ADAD1: variants seen among roughly 807,000 people sequenced by gnomAD.
ADAD1 encodes adenosine deaminase domain-containing protein 1.
A neutral mutation model predicts 66.8 loss-of-function variants in ADAD1; 46 were observed. The ratio of observed to expected loss-of-function variants is 0.69; its 90% CI spans 0.54 to 0.88. The LOEUF is 0.88. Ranked by LOEUF, ADAD1 falls within the 40% of genes least tolerant of loss-of-function variation. The pLI, the probability that ADAD1 is intolerant of heterozygous loss-of-function variation, is 0.00. For missense variants in ADAD1, 617 were observed against 681.8 expected (o/e 0.91, Z 1.06); for synonymous variants, 248 against 229.4 (o/e 1.08, Z -0.73).
intron 12 of ADAD1, among the ~76,000 whole-genome samples, chr4:122,424,935 TA>T (rs1358890254): frequency 1.3e-5 from 2 of 152,200 alleles, no homozygotes; most frequent in East Asian, 3.9e-4. Flanking sequence ...ATATTAATAT[TA>T]AATATACATG....
intron 7 of ADAD1, among the ~76,000 whole-genome samples, chr4:122,398,766 A>G (rs566958831): frequency 2.6e-5 from 4 of 151,164 alleles, no homozygotes; most frequent in Non-Finnish European, 5.9e-5. Flanking sequence ...TGTCCATGTT[A>G]TATCTTCTTT....
At chr4:122,410,892 G>A (rs555028659) in intron 8 of ADAD1, among the ~76,000 whole-genome samples, 11 of 152,268 alleles carry the variant, frequency 7.2e-5, no homozygotes, top group African/African-American at 2.6e-4. Flanking sequence ...GCTGGGAGCA[G>A]AACTCTCTGA....
chr4:122,412,837 C>T (rs1560599165), intron 10 of ADAD1, 28 bp downstream of exon 10: 1 of 1,572,220 alleles, frequency 6.4e-7, no homozygotes, highest in Admixed American at 1.7e-5. Flanking sequence ...ACCTCCTGGG[C>T]CTCTCACTCA....
At chr4:122,405,439 T>G (rs1165903472) in intron 7 of ADAD1, among the ~76,000 whole-genome samples, 1 of 152,196 alleles carries the variant, frequency 6.6e-6, no homozygotes, top group Non-Finnish European at 1.5e-5. Flanking sequence ...CCACTACTTC[T>G]TGGAAATTAG....
intron 11 of ADAD1, among the ~76,000 whole-genome samples, chr4:122,420,553 T>C (rs1301951405): frequency 2.0e-5 from 3 of 152,184 alleles, no homozygotes; most frequent in African/African-American, 4.8e-5. Flanking sequence ...GAAGGGAAAA[T>C]CAGCCATGCC....
Position 122,411,275 on chromosome 4 carries a change from A to G in ADAD1, c.902A>G (p.Glu301Gly). The change falls in exon 9 of 13, where the codon GAA becomes GGA. Residue 301 changes from glutamate (E) to glycine (G), a missense_variant. Glu to Gly is a moderately conservative substitution (Grantham distance 98). Coordinates refer to ENST00000296513, the MANE Select transcript of ADAD1 (RefSeq NM_139243.4). ...TACAGCAAAAATCCTGCTATGATGG[A>G]AAAATCAATATTTTGTACAGAACCA... Reference protein sequence around the residue: ...LFYSKNPAMMEKSIFCTEPTS... With the variant: ...LFYSKNPAMMGKSIFCTEPTS... The G allele has an allele frequency of 6.2e-7, 1 of 1,611,554 alleles. No homozygotes were observed. Among genetic ancestry groups the G allele is most frequent in the Middle Eastern group, 1.7e-4 (1 of 6,054 alleles).
chr4:122,409,872 G>A (rs1282149302), intron 8 of ADAD1, among the ~76,000 whole-genome samples: 1 of 151,806 alleles, frequency 6.6e-6, no homozygotes, highest in Non-Finnish European at 1.5e-5. Flanking sequence ...GCCTTTTTTT[G>A]TATCTTTAGT....
chr4:122,413,309 G>A (rs1029578406), intron 10 of ADAD1, among the ~76,000 whole-genome samples: 1 of 152,074 alleles, frequency 6.6e-6, no homozygotes, highest in Non-Finnish European at 1.5e-5. Context: ...TGGATGTTCT[G>A]TAGATAATCA....
In ADAD1 at chr4:122,429,734, ATGT is replaced by A; in HGVS notation, c.1727_1729del (p.Met576_Ter577delinsArg). On this transcript the variant is annotated stop_lost and inframe_deletion, in exon 13 of 13. Transcript: ENST00000296513. ...ATCTCCCTGCATAGAGCAATTTAAC[ATGT>A]GAAATAGGCAATCCATTATCACATT... 1 of 1,595,130 alleles carries A rather than the reference ATGT, an allele frequency of 6.3e-7. No individual in the cohort carries two copies. The highest frequency in any genetic ancestry group is 8.6e-7 in the Non-Finnish European group (1 of 1,164,666).
chr4:122,427,177 A>G (rs936319054), intron 12 of ADAD1, among the ~76,000 whole-genome samples: 1 of 152,252 alleles, frequency 6.6e-6, no homozygotes, highest in Non-Finnish European at 1.5e-5. Context: ...AATTGTTTAT[A>G]TACTAGGAAT....
chr4:122,388,072 A>G (rs1795261515), intron 5 of ADAD1, among the ~76,000 whole-genome samples: 1 of 152,290 alleles, frequency 6.6e-6, no homozygotes, highest in Non-Finnish European at 1.5e-5. Flanking sequence ...AGTTTTTAAC[A>G]TGAAAGGATG....
intron 6 of ADAD1, 55 bp downstream of exon 6, chr4:122,393,712 G>A: frequency 1.1e-5 from 15 of 1,333,764 alleles, no homozygotes; most frequent in Non-Finnish European, 1.5e-5. Context: ...ATTAAAAATA[G>A]TAACAACATA....
chr4:122,422,956 TAAAAAAAAAAAA>T (rs537676034), intron 12 of ADAD1, among the ~76,000 whole-genome samples: 3 of 97,200 alleles, frequency 3.1e-5, no homozygotes, highest in Non-Finnish European at 4.0e-5. Flanking sequence ...TATTTCTCTT[TAAAAAAAAAAAA>T]AAAAAAAAAA....
intron 5 of ADAD1, among the ~76,000 whole-genome samples, chr4:122,390,807 T>C (rs1474660727): frequency 2.6e-5 from 4 of 152,210 alleles, no homozygotes; most frequent in African/African-American, 9.6e-5. Flanking sequence ...TAGAACATGC[T>C]CCTTTAGCTC....
At position 122,395,455 on chromosome 4, in the gene ADAD1, G is replaced by T. The variant is rs1795661559; in HGVS notation, c.599-797G>T. Among the ~76,000 whole-genome samples the T allele has an allele frequency of 2.0e-5, 3 of 152,032 alleles. No homozygotes were observed. The South Asian group carries it at 6.2e-4, about 32-fold the overall frequency. Reference sequence around the variant, plus strand: ...CCCAGCACTTTGTGAGGCCAAGGCGGGTGGATCATGAGGTCAGGAGTTCAA... The same window carrying T: ...CCCAGCACTTTGTGAGGCCAAGGCGTGTGGATCATGAGGTCAGGAGTTCAA... On this transcript the variant is annotated intron_variant, in intron 6 of 12. Transcript: ENST00000296513.
intron 7 of ADAD1, among the ~76,000 whole-genome samples, chr4:122,401,558 T>C (rs1203284136): frequency 6.6e-6 from 1 of 152,144 alleles, no homozygotes; most frequent in South Asian, 2.1e-4. Context: ...TTGTTGACTT[T>C]TGTCTTGATG....
chr4:122,413,713 T>C (rs541509997), intron 10 of ADAD1, among the ~76,000 whole-genome samples: 1 of 151,804 alleles, frequency 6.6e-6, no homozygotes, highest in Non-Finnish European at 1.5e-5. Context: ...AGGGAATCTG[T>C]TATTCAGTCC....
intron 8 of ADAD1, 129 bp downstream of exon 8, chr4:122,408,160 C>G (rs1796302712): frequency 1.0e-6 from 1 of 962,180 alleles, no homozygotes; most frequent in Non-Finnish European, 1.5e-6. Flanking sequence ...ATTTTCTTAT[C>G]TAAGTCATCG....
At chr4:122,381,805 A>C (rs1794908902) in intron 4 of ADAD1, among the ~76,000 whole-genome samples, 2 of 152,212 alleles carry the variant, frequency 1.3e-5, no homozygotes. Context: ...CTTAAGAGGC[A>C]TTGACAGCTT....
Sources: gnomAD v4.1 joint callset for allele counts (sites outside exome capture counted in the v4.1 genomes callset) on GRCh38, gnomAD v4.1.1 for gene constraint, MANE v1.5 for transcripts, NCBI Gene and HGNC (gene_info 2026-07-23, HGNC 2026-07-21) for gene names.